ADAMTSL3: variants seen among roughly 807,000 people sequenced by gnomAD.
The protein encoded by ADAMTSL3 is ADAMTS-like protein 3.
In ADAMTSL3, 128 loss-of-function variants were observed where a neutral mutation model predicts 201.7. That is an observed-to-expected ratio of 0.63 (90% CI 0.55 to 0.73). The LOEUF (loss-of-function observed/expected upper bound fraction) is 0.73. Among genes scored for constraint, ADAMTSL3 ranks in the 30% least tolerant of loss-of-function variants. The probability of loss-of-function intolerance (pLI) is 0.00; values close to 1 mark genes in which losing one functional copy is unlikely to be tolerated. For missense variants in ADAMTSL3, 1,990 were observed against 2,119.6 expected, an observed-to-expected ratio of 0.94 and a Z score of 1.20; for synonymous variants, 738 against 748.4, an observed-to-expected ratio of 0.99 and a Z score of 0.23.
At chr15:83,786,090 C>T (rs1208856507) in intron 4 of ADAMTSL3, among the ~76,000 whole-genome samples, 1 of 152,128 alleles carries the variant, frequency 6.6e-6, no homozygotes, top group Non-Finnish European at 1.5e-5. Context: ...GATCTGCCCG[C>T]CTCAGCCTCC....
intron 23 of ADAMTSL3, among the ~76,000 whole-genome samples, chr15:83,994,586 G>GTT (rs3045402): frequency 8.6e-4 from 43 of 50,228 alleles, no homozygotes; most frequent in African/African-American, 2.8e-3. Context: ...TTGTTTTTTC[G>GTT]TTTTTTTTTT....
chr15:83,889,380 A>C (rs772048579), intron 10 of ADAMTSL3, among the ~76,000 whole-genome samples: 1 of 152,218 alleles, frequency 6.6e-6, no homozygotes, highest in Non-Finnish European at 1.5e-5. Flanking sequence ...GCATATCATA[A>C]AATGTTATGA....
intron 3 of ADAMTSL3, among the ~76,000 whole-genome samples, chr15:83,734,810 C>T (rs76899622): frequency 6.6e-6 from 1 of 152,046 alleles, no homozygotes; most frequent in South Asian, 2.1e-4. Context: ...ATGATTTTTG[C>T]CGATGGTGGA....
chr15:83,745,783 C>T (rs1219462654), intron 3 of ADAMTSL3, among the ~76,000 whole-genome samples: 1 of 152,200 alleles, frequency 6.6e-6, no homozygotes, highest in Non-Finnish European at 1.5e-5. Flanking sequence ...CATAGAGTGA[C>T]ACTTGGTTTA....
chr15:83,849,872 G>C (rs2064573993), intron 7 of ADAMTSL3, among the ~76,000 whole-genome samples: 1 of 152,106 alleles, frequency 6.6e-6, no homozygotes, highest in East Asian at 1.9e-4. Flanking sequence ...AATATGTAAA[G>C]AAAAATCCCC....
intron 3 of ADAMTSL3, among the ~76,000 whole-genome samples, chr15:83,748,649 CAAAAAAAAAAA>C (rs71156097): frequency 1.4e-5 from 1 of 70,514 alleles, no homozygotes; most frequent in Non-Finnish European, 2.6e-5. Flanking sequence ...GACCCTGTCT[CAAAAAAAAAAA>C]AAAAAAAAAA....
At position 83,991,069 on chromosome 15, in the gene ADAMTSL3, G is replaced by T. The variant is rs1041645409; in HGVS notation, c.3845-17G>T. On this transcript the variant is annotated splice_polypyrimidine_tract_variant and intron_variant, in intron 22 of 29. Transcript: ENST00000286744. The stretch of plus-strand genomic sequence containing the variant: ...AAGCCTGAACCTAACATAGTTTCCT[G>T]CTCCCTTTGAATTAAGAGGCACCTG... The T allele has an allele frequency of 1.9e-6, 3 of 1,613,984 alleles. No individual in the cohort carries two copies. In the Admixed American group the frequency reaches 5.0e-5, roughly 27 times the overall value.
intron 19 of ADAMTSL3, among the ~76,000 whole-genome samples, chr15:83,968,877 A>G (rs2067138529): frequency 6.6e-6 from 1 of 152,212 alleles, no homozygotes; most frequent in African/African-American, 2.4e-5. Flanking sequence ...ACTGGAGACC[A>G]TCATTCTCAG....
chr15:83,812,008 A>G (rs975837485), intron 5 of ADAMTSL3, among the ~76,000 whole-genome samples: 1 of 152,232 alleles, frequency 6.6e-6, no homozygotes. Context: ...GTAAGAGTCC[A>G]TTCCTGCACA....
At position 83,686,199 on chromosome 15, in the gene ADAMTSL3, A is replaced by T. The variant is rs367942183; in HGVS notation, c.70-18190A>T. Among the ~76,000 whole-genome samples the T allele has an allele frequency of 7.9e-5, 12 of 152,234 alleles. 1 individual carries two copies. The highest frequency in any genetic ancestry group is 1.9e-4 in the East Asian group (1 of 5,200). ...CTGAGCTGTTTTTAAAGAAGGGTAT[A>T]GACCGGTTTTCTCACAAGCAACTTT... is the stretch of plus-strand genomic sequence containing the variant. On this transcript the variant is annotated intron_variant, in intron 2 of 29. Coordinates refer to ENST00000286744, the MANE Select transcript of ADAMTSL3 (RefSeq NM_207517.3).
At chr15:84,024,146 C>T (rs1250138458) in intron 26 of ADAMTSL3, among the ~76,000 whole-genome samples, 1 of 152,080 alleles carries the variant, frequency 6.6e-6, no homozygotes, top group Non-Finnish European at 1.5e-5. Flanking sequence ...GTCCCAGCTA[C>T]TCGGGAGGCT....
intron 25 of ADAMTSL3, among the ~76,000 whole-genome samples, chr15:84,017,278 C>T (rs1232426636): frequency 2.0e-5 from 3 of 152,038 alleles, no homozygotes; most frequent in Non-Finnish European, 4.4e-5. Flanking sequence ...CCACCACGCC[C>T]GGCTAATTTT....
intron 6 of ADAMTSL3, among the ~76,000 whole-genome samples, chr15:83,823,879 CCTT>C (rs773566331): frequency 7.1e-6 from 1 of 141,468 alleles, no homozygotes; most frequent in African/African-American, 2.8e-5. Flanking sequence ...GACTCCATTT[CCTT>C]CTTCTTCTTC....
intron 3 of ADAMTSL3, among the ~76,000 whole-genome samples, chr15:83,736,894 T>C (rs2062377137): frequency 6.6e-6 from 1 of 152,116 alleles, no homozygotes; most frequent in South Asian, 2.1e-4. Context: ...AACAAACGGA[T>C]ACTTAAGTAC....
intron 28 of ADAMTSL3, among the ~76,000 whole-genome samples, chr15:84,034,467 A>AGAGG (rs1347251868): frequency 6.6e-6 from 1 of 152,148 alleles, no homozygotes; most frequent in Non-Finnish European, 1.5e-5. Flanking sequence ...GAAAAGTTGT[A>AGAGG]GAGGGAATGG....
intron 8 of ADAMTSL3, among the ~76,000 whole-genome samples, chr15:83,866,564 A>G (rs2064982809): frequency 6.6e-6 from 1 of 151,994 alleles, no homozygotes; most frequent in Admixed American, 6.5e-5. Flanking sequence ...AACAATGAGA[A>G]CACATGGACA....
At chr15:83,702,608 G>T (rs750359257) in intron 2 of ADAMTSL3, among the ~76,000 whole-genome samples, 71 of 151,594 alleles carry the variant, frequency 4.7e-4, no homozygotes, top group Non-Finnish European at 8.3e-4. Flanking sequence ...GCTTCAGAGG[G>T]TGGAAGCCCC....
At chr15:83,980,824 T>C (rs1045578121) in intron 20 of ADAMTSL3, among the ~76,000 whole-genome samples, 6 of 152,234 alleles carry the variant, frequency 3.9e-5, no homozygotes, top group African/African-American at 1.4e-4. Context: ...GCAGCCAGAC[T>C]TCAAAGGGCT....
intron 7 of ADAMTSL3, among the ~76,000 whole-genome samples, chr15:83,856,490 TA>T (rs1425980846): frequency 1.3e-5 from 2 of 151,902 alleles, no homozygotes; most frequent in Admixed American, 1.3e-4. Context: ...TCCTTTTTTT[TA>T]AAAAAAGCTA....
Sources: gnomAD v4.1 joint callset for allele counts (sites outside exome capture counted in the v4.1 genomes callset) on GRCh38, gnomAD v4.1.1 for gene constraint, MANE v1.5 for transcripts, NCBI Gene and HGNC (gene_info 2026-07-23, HGNC 2026-07-21) for gene names.